The following CTNNA2 variants were observed in gnomAD, a reference collection of about 807,000 sequenced individuals.
CTNNA2 encodes catenin alpha-2.
CTNNA2 carries 42 observed loss-of-function variants against 101.0 expected under a neutral mutation model. The observed-to-expected ratio is 0.42, with a 90% confidence interval of 0.32 to 0.54. The LOEUF is 0.54. CTNNA2 is among the 20% of genes least tolerant of loss of function. CTNNA2 has a pLI of 0.14. For missense variants in CTNNA2, 871 were observed against 1,223.1 expected (o/e 0.71, Z 4.29); for synonymous variants, 450 against 456.4 (o/e 0.99, Z 0.18).
chr2:79,522,489 TG>T lies in CTNNA2; in HGVS notation c.-6+9284del, dbSNP rs552938430. On this transcript the variant is annotated intron_variant, in intron 1 of 18. Coordinates refer to ENST00000402739, the MANE Select transcript of CTNNA2 (RefSeq NM_001282597.3). ...GAATGATCGAGTGTGTCCTGCAGTG[TG>T]GTACTGATGCCACAGTGGCGTGGGG... 1.5e-3 allele frequency among the ~76,000 whole-genome samples: 234 copies of T among 152,254 alleles called. 1 individual carries two copies. The highest frequency in any genetic ancestry group is 0.011 in the East Asian group (58 of 5,170).
chr2:79,600,078 C>T (rs75609292), intron 1 of CTNNA2, among the ~76,000 whole-genome samples: 8,036 of 152,160 alleles, frequency 0.053, 683 homozygotes, highest in African/African-American at 0.18. Flanking sequence ...GCGCTAATTA[C>T]GCATAAAATT....
At chr2:80,039,408 T>C (rs981853109) in intron 7 of CTNNA2, among the ~76,000 whole-genome samples, 5 of 152,234 alleles carry the variant, frequency 3.3e-5, no homozygotes, top group African/African-American at 1.2e-4. Context: ...ACTACCATTT[T>C]CTTTTTATCA....
chr2:80,290,408 G>C (rs993441643), intron 7 of CTNNA2, among the ~76,000 whole-genome samples: 1 of 151,900 alleles, frequency 6.6e-6, no homozygotes, highest in African/African-American at 2.4e-5. Flanking sequence ...AGTGATTACC[G>C]TGGGTAAGAA....
chr2:80,596,697 A>G (rs562120500), intron 15 of CTNNA2, among the ~76,000 whole-genome samples: 5 of 152,050 alleles, frequency 3.3e-5, no homozygotes, highest in African/African-American at 1.2e-4. Context: ...AATACACTTT[A>G]TTTCTTTTTG....
chr2:80,531,418 C>T (rs188241502), intron 9 of CTNNA2, among the ~76,000 whole-genome samples: 4 of 152,166 alleles, frequency 2.6e-5, no homozygotes, highest in Admixed American at 6.5e-5. Flanking sequence ...AAGAAGGATA[C>T]GGCCACAGAT....
chr2:80,217,756 C>A (rs1012706663), intron 7 of CTNNA2, among the ~76,000 whole-genome samples: 2 of 152,176 alleles, frequency 1.3e-5, no homozygotes, highest in Non-Finnish European at 2.9e-5. Flanking sequence ...AGAACCCAGG[C>A]TAGTAGCAGA....
intron 8 of CTNNA2, among the ~76,000 whole-genome samples, chr2:80,397,798 A>G (rs752618756): frequency 6.6e-6 from 1 of 152,210 alleles, no homozygotes; most frequent in Non-Finnish European, 1.5e-5. Context: ...AGCTGCAGCC[A>G]GGCAATCTGG....
chr2:79,449,979 T>A (rs542311883), intron 4 of CTNNA2, among the ~76,000 whole-genome samples: 2 of 151,988 alleles, frequency 1.3e-5, no homozygotes, highest in Non-Finnish European at 2.9e-5. Context: ...TCTATTCCAG[T>A]TTCTTCCAGT....
At chr2:79,273,074 T>C (rs532977912) in intron 2 of CTNNA2, among the ~76,000 whole-genome samples, 59 of 152,072 alleles carry the variant, frequency 3.9e-4, no homozygotes, top group Non-Finnish European at 6.6e-4. Flanking sequence ...TGTCTTTTTT[T>C]TTATGGTTTC....
intron 1 of CTNNA2, among the ~76,000 whole-genome samples, chr2:79,190,236 C>A (rs1396973481): frequency 6.6e-6 from 1 of 151,900 alleles, no homozygotes; most frequent in Non-Finnish European, 1.5e-5. Context: ...CAACTATCTT[C>A]TGCTTGCTCT....
chr2:79,505,264 T>G (rs942590778), intron 5 of CTNNA2: 1 of 152,176 alleles, frequency 6.6e-6, no homozygotes, highest in Non-Finnish European at 1.5e-5. Flanking sequence ...TTTTTTTCAT[T>G]TTTTCTTCTT....
At chr2:80,168,982 G>T (rs1282588703) in intron 7 of CTNNA2, among the ~76,000 whole-genome samples, 2 of 152,126 alleles carry the variant, frequency 1.3e-5, no homozygotes, top group African/African-American at 2.4e-5. Context: ...CGATTTAGAG[G>T]CCCCCACTTT....
chr2:79,974,823 A>G (rs1690723364), intron 7 of CTNNA2, among the ~76,000 whole-genome samples: 1 of 152,204 alleles, frequency 6.6e-6, no homozygotes, highest in Non-Finnish European at 1.5e-5. Flanking sequence ...ATCAATGAGA[A>G]GAAATTAAGT....
intron 1 of CTNNA2, among the ~76,000 whole-genome samples, chr2:79,642,574 A>T (rs1680519224): frequency 6.6e-6 from 1 of 152,166 alleles, no homozygotes; most frequent in Non-Finnish European, 1.5e-5. Context: ...ATGGAGGAAG[A>T]TAAGAAGCAG....
At chr2:79,936,180 T>C (rs1687775897) in intron 7 of CTNNA2, among the ~76,000 whole-genome samples, 1 of 152,178 alleles carries the variant, frequency 6.6e-6, no homozygotes, top group Non-Finnish European at 1.5e-5. Context: ...TTTTTTTCTT[T>C]CTGAGGCAGT....
At chr2:80,236,728 G>A (rs571127712) in intron 7 of CTNNA2, among the ~76,000 whole-genome samples, 112 of 152,304 alleles carry the variant, frequency 7.4e-4, no homozygotes, top group African/African-American at 2.7e-3. Context: ...CTGTCAAGGA[G>A]CCTTATGTCT....
intron 3 of CTNNA2, among the ~76,000 whole-genome samples, chr2:79,755,128 C>T (rs79400100): frequency 0.012 from 1,836 of 152,058 alleles, 38 homozygotes; most frequent in African/African-American, 0.043. Context: ...TAGTTCAAAC[C>T]AGCCTGGGCA....
At chr2:80,023,988 G>C (rs1378784673) in intron 7 of CTNNA2, among the ~76,000 whole-genome samples, 1 of 151,830 alleles carries the variant, frequency 6.6e-6, no homozygotes, top group Non-Finnish European at 1.5e-5. Flanking sequence ...TCAGGAGGCC[G>C]AGGCGGGAGA....
chr2:79,986,516 A>G (rs1691773892), intron 7 of CTNNA2, among the ~76,000 whole-genome samples: 3 of 152,030 alleles, frequency 2.0e-5, no homozygotes, highest in African/African-American at 7.2e-5. Flanking sequence ...AGCATTATAT[A>G]ATGCTGCACT....
Sources: gnomAD v4.1 joint callset for allele counts (sites outside exome capture counted in the v4.1 genomes callset) on GRCh38, gnomAD v4.1.1 for gene constraint, MANE v1.5 for transcripts, NCBI Gene and HGNC (gene_info 2026-07-23, HGNC 2026-07-21) for gene names.